The following GRID2IP variants were observed in gnomAD, a reference collection of about 807,000 sequenced individuals.
GRID2IP encodes the protein Grid2 interacting protein.
A neutral mutation model predicts 114.3 loss-of-function variants in GRID2IP; 78 were observed. The ratio of observed to expected loss-of-function variants is 0.68; its 90% CI spans 0.57 to 0.82. The LOEUF is 0.82. Among genes scored for constraint, GRID2IP ranks in the 40% least tolerant of loss-of-function variants. GRID2IP has a pLI of 0.00. For synonymous variants in GRID2IP, 809 were observed against 724.0 expected, an observed-to-expected ratio of 1.12 and a Z score of -1.89; for missense variants, 1,727 against 1,678.5, an observed-to-expected ratio of 1.03 and a Z score of -0.51.
In GRID2IP at chr7:6,505,908, C is replaced by A; in HGVS notation, c.2545-1G>T. On this transcript the variant is annotated splice_acceptor_variant, in intron 13 of 21. Coordinates refer to ENST00000457091, the MANE Select transcript of GRID2IP (RefSeq NM_001145118.2). LOFTEE classifies it high-confidence loss of function. ...TATCGTAGTCAGAGTCTTCCCCGAG[C>A]TGCGAGGGAGGATGGGAGGTTCAGA... 1.9e-6 allele frequency: 3 copies of A among 1,549,614 alleles called. No homozygotes were observed. The highest frequency in any genetic ancestry group is 2.6e-6 in the Non-Finnish European group (3 of 1,145,006).
At position 6,528,515 on chromosome 7, in the gene GRID2IP, T is replaced by C. The variant is rs769010872; in HGVS notation, c.585-1746A>G. ...CCTGAAGGTCTGGTTGCCTGTGAGG[T>C]CTCCCTGGCTGCATCCCAAGGCCCC... is the stretch of plus-strand genomic sequence containing the variant. On this transcript the variant is annotated intron_variant, in intron 2 of 21. Coordinates refer to ENST00000457091, the MANE Select transcript of GRID2IP (RefSeq NM_001145118.2). This position sits in a 1 kb window ranked among gnomAD's most constrained non-coding sequence, Gnocchi z 6.0. 8.5e-5 allele frequency among the ~76,000 whole-genome samples: 13 copies of C among 152,170 alleles called. No individual in the cohort carries two copies. Among genetic ancestry groups the C allele is most frequent in the Non-Finnish European group, 1.5e-4 (10 of 67,984 alleles).
intron 2 of GRID2IP, among the ~76,000 whole-genome samples, chr7:6,533,850 T>C (rs1360249384): frequency 6.6e-6 from 1 of 151,520 alleles, no homozygotes; most frequent in Non-Finnish European, 1.5e-5. Context: ...GGGGTTTCAC[T>C]ATGCTGCCCG....
chr7:6,510,538 G>A (rs958938201), intron 10 of GRID2IP, 71 bp downstream of exon 10: 2 of 1,344,716 alleles, frequency 1.5e-6, no homozygotes, highest in Non-Finnish European at 2.0e-6. Context: ...TGGGTCTCCT[G>A]GGCCCAGTCC....
chr7:6,520,642 G>A lies in GRID2IP; in HGVS notation c.1204C>T (p.His402Tyr), dbSNP rs1779394131. 7 of 1,551,602 alleles carry A rather than the reference G, an allele frequency of 4.5e-6. No individual in the cohort carries two copies. The East Asian group carries it at 1.7e-4, about 38-fold the overall frequency. Reference sequence around the variant, plus strand: ...TAGCGCTCAGGAGGTGTGAGTAGGTGCTCCAGCTGCTGGCTGAAGGTCCTC... The same window carrying A: ...TAGCGCTCAGGAGGTGTGAGTAGGTACTCCAGCTGCTGGCTGAAGGTCCTC... Reference protein sequence around the residue: ...QGRTFSQQLEHLLTPPERYGV... With the variant: ...QGRTFSQQLEYLLTPPERYGV... Residue 402 changes from histidine (H) to tyrosine (Y), a missense_variant, in exon 7 of 22, where the codon CAC becomes TAC. His to Tyr is a moderately conservative substitution (Grantham distance 83). Transcript: ENST00000457091. The surrounding 1 kb of genome is among the most constrained non-coding windows in gnomAD (Gnocchi z 4.6).
intron 2 of GRID2IP, among the ~76,000 whole-genome samples, chr7:6,535,682 C>A (rs1350002798): frequency 1.3e-5 from 2 of 152,098 alleles, no homozygotes; most frequent in Non-Finnish European, 2.9e-5. Context: ...CATAGTGAGA[C>A]CCTGTCTCTA....
chr7:6,510,939 C>G lies in GRID2IP; in HGVS notation c.1524G>C (p.Arg508=). The change falls in exon 9 of 22, where the codon CGG becomes CGC. Residue 508 remains arginine (R), a synonymous_variant. Coordinates refer to ENST00000457091, the MANE Select transcript of GRID2IP (RefSeq NM_001145118.2). ...TGAGGCCGGCCTCCAGGCCCTGGGA[C>G]CGGAGGCTGCGGCGGCACATGGAGG... ...RASSMCRRSL[R]SQGLEAGLSC... 1 of 1,549,386 alleles carries G rather than the reference C, an allele frequency of 6.5e-7. No individual in the cohort carries two copies. The highest frequency in any genetic ancestry group is 8.7e-7 in the Non-Finnish European group (1 of 1,145,836).
intron 1 of GRID2IP, among the ~76,000 whole-genome samples, chr7:6,541,231 C>T (rs1029185950): frequency 2.6e-5 from 4 of 151,998 alleles, no homozygotes; most frequent in East Asian, 1.9e-4. Context: ...GTAGAGGTGA[C>T]GGCGTCACGG....
chr7:6,507,174 G>A lies in GRID2IP; in HGVS notation c.2544+811C>T, dbSNP rs1239681836. On this transcript the variant is annotated intron_variant, in intron 13 of 21. Transcript: ENST00000457091. This position sits in a 1 kb window ranked among gnomAD's most constrained non-coding sequence, Gnocchi z 5.3. ...GAGTTGAGGATGATGGTGATCATGA[G>A]CACTGGGACGGGGCAGCCCTGGGAG... Among the ~76,000 whole-genome samples, 1 of 152,196 alleles carries A rather than the reference G, an allele frequency of 6.6e-6. No individual in the cohort carries two copies. The highest frequency in any genetic ancestry group is 1.5e-5 in the Non-Finnish European group (1 of 68,028).
chr7:6,518,336 G>A (rs1779350472), intron 7 of GRID2IP, among the ~76,000 whole-genome samples: 1 of 152,088 alleles, frequency 6.6e-6, no homozygotes, highest in South Asian at 2.1e-4. Flanking sequence ...AATTTATAGA[G>A]AAAAATCCCA....
chr7:6,544,165 G>T (rs1779851317), intron 1 of GRID2IP, among the ~76,000 whole-genome samples: 1 of 152,146 alleles, frequency 6.6e-6, no homozygotes. Flanking sequence ...CTGCAGTAAT[G>T]TTAGGTGTGT....
Position 6,503,606 on chromosome 7 carries a change from G to A in GRID2IP, c.2792C>T (p.Pro931Leu). 6.5e-7 allele frequency: 1 copy of A among 1,529,332 alleles called. No individual in the cohort carries two copies. Among genetic ancestry groups the A allele is most frequent in the Non-Finnish European group, 8.7e-7 (1 of 1,144,456 alleles). 94.7% of individuals were successfully genotyped at this position (1,529,332 alleles called of 1,614,324 possible). A position where few individuals can be genotyped will look rare whatever the true frequency, so the allele number is the denominator to read the frequency against. ...LMSMEPRRLEPAHLAQLLLFA... is the reference protein window; with the variant it reads ...LMSMEPRRLELAHLAQLLLFA... The stretch of plus-strand genomic sequence containing the variant: ...GAGCAGCAGCTGCGCGAGATGTGCG[G>A]GCTCCAGGCGCCGGGGCTCCATGCT... The change falls in exon 16 of 22, where the codon CCC (proline) becomes CTC (leucine). Residue 931 changes from proline to leucine, a missense_variant. Transcript: ENST00000457091.
At position 6,507,044 on chromosome 7, in the gene GRID2IP, G is replaced by C. The variant is rs1406275156; in HGVS notation, c.2544+941C>G. Among the ~76,000 whole-genome samples the C allele has an allele frequency of 2.0e-5, 3 of 152,030 alleles. No individual in the cohort carries two copies. The highest frequency in any genetic ancestry group is 4.4e-5 in the Non-Finnish European group (3 of 67,992). On this transcript the variant is annotated intron_variant, in intron 13 of 21. Transcript: ENST00000457091. This position sits in a 1 kb window ranked among gnomAD's most constrained non-coding sequence, Gnocchi z 5.3. Reference sequence around the variant, plus strand: ...CCTGGAGATGTGGGCTGAGAAAGCAGGAGACAGAATTGGGACCCAGGAGAT... The same window carrying C: ...CCTGGAGATGTGGGCTGAGAAAGCACGAGACAGAATTGGGACCCAGGAGAT...
At chr7:6,504,650 T>C in intron 15 of GRID2IP, 143 bp downstream of exon 15, 1 of 661,420 alleles carries the variant, frequency 1.5e-6, no homozygotes, top group South Asian at 1.9e-5. Context: ...CTATGGGGCC[T>C]GGGAGGGGGC....
chr7:6,531,069 G>A (rs1214630666), intron 2 of GRID2IP: 2 of 632,770 alleles, frequency 3.2e-6, no homozygotes, highest in South Asian at 3.4e-5. Flanking sequence ...GGAAGCTACC[G>A]AAAGTGCCGA....
rs1786662901 is a variant in GRID2IP, at chr7:6,508,459, A to G, written c.2128-58T>C. 1 of 1,547,208 alleles carries G rather than the reference A, an allele frequency of 6.5e-7. No homozygotes were observed. The highest frequency in any genetic ancestry group is 1.4e-5 in the African/African-American group (1 of 72,968). ...AGGCTGGGCCCAGAGAGACTAGAGCAGGTGCAAAGTGAAGGATCATGGGAT... is the reference window on the plus strand; with the variant it reads ...AGGCTGGGCCCAGAGAGACTAGAGCGGGTGCAAAGTGAAGGATCATGGGAT... On this transcript the variant is annotated intron_variant, in intron 12 of 21. Coordinates refer to ENST00000457091, the MANE Select transcript of GRID2IP (RefSeq NM_001145118.2). The surrounding 1 kb of genome is among the most constrained non-coding windows in gnomAD (Gnocchi z 5.6).
At chr7:6,522,028 GT>G in intron 4 of GRID2IP, 71 bp from the exon 5 acceptor site, 2 of 1,250,064 alleles carry the variant, frequency 1.6e-6, no homozygotes, top group Non-Finnish European at 2.3e-6. Flanking sequence ...ATGCTATCCT[GT>G]TTTACAGGCG....
chr7:6,497,744 C>G lies in GRID2IP; in HGVS notation c.*30G>C. The G allele has an allele frequency of 2.6e-6, 4 of 1,524,622 alleles. No individual in the cohort carries two copies. Among genetic ancestry groups the G allele is most frequent in the Middle Eastern group, 1.7e-4 (1 of 5,858 alleles). The allele number at this position is 1,524,622 out of a possible 1,614,324, so 94.4% of individuals were successfully genotyped here. ...CCCTCTCGGCCTCCATCTCCCTGCT[C>G]AGGCCGCAGAGGACGCGGTGTGGCC... On this transcript the variant is annotated 3_prime_UTR_variant, in exon 22 of 22. Coordinates refer to ENST00000457091, the MANE Select transcript of GRID2IP (RefSeq NM_001145118.2).
chr7:6,532,639 C>A lies in GRID2IP; in HGVS notation c.585-5870G>T, dbSNP rs1343163270. Among the ~76,000 whole-genome samples the A allele has an allele frequency of 1.3e-5, 2 of 152,348 alleles. No homozygotes were observed. The highest frequency in any genetic ancestry group is 3.9e-4 in the East Asian group (2 of 5,182). ...TCAGCCCTGCAAGGGAGAGAAGCAG[C>A]TGACAAGCCTCCCAGCCAGCACAGC... On this transcript the variant is annotated intron_variant, in intron 2 of 21. Coordinates refer to ENST00000457091, the MANE Select transcript of GRID2IP (RefSeq NM_001145118.2). This position sits in a 1 kb window ranked among gnomAD's most constrained non-coding sequence, Gnocchi z 4.4.
At position 6,510,709 on chromosome 7, in the gene GRID2IP, A is replaced by T; in HGVS notation, c.1556-3T>A. On this transcript the variant is annotated splice_region_variant and splice_polypyrimidine_tract_variant and intron_variant, in intron 9 of 21. Transcript: ENST00000457091. ...CATCTCAGGGCACTCGCTGGGACCTACCGGGGAATAATGTCATTACCGTAT... is the reference window on the plus strand; with the variant it reads ...CATCTCAGGGCACTCGCTGGGACCTTCCGGGGAATAATGTCATTACCGTAT... 6.5e-7 allele frequency: 1 copy of T among 1,548,030 alleles called. No homozygotes were observed. Among genetic ancestry groups the T allele is most frequent in the Non-Finnish European group, 8.7e-7 (1 of 1,145,188 alleles).
Sources: allele counts gnomAD v4.1 joint callset (sites outside exome capture counted in the v4.1 genomes callset), GRCh38; gene constraint gnomAD v4.1.1; non-coding constraint Gnocchi (gnomAD v3.1); transcripts MANE v1.5; gene names NCBI Gene and HGNC (gene_info 2026-07-23, HGNC 2026-07-21).